SORCS1: variants seen among roughly 807,000 people sequenced by gnomAD.
SORCS1 encodes the protein VPS10 domain-containing receptor SorCS1.
SORCS1 carries 60 observed loss-of-function variants against 146.1 expected under a neutral mutation model. The ratio of observed to expected loss-of-function variants is 0.41; its 90% CI spans 0.33 to 0.51. The LOEUF is 0.51. Among genes scored for constraint, SORCS1 ranks in the 20% least tolerant of loss-of-function variants. SORCS1 has a pLI of 0.21. For synonymous variants in SORCS1, 637 were observed against 584.0 expected (o/e 1.09, Z -1.31); for missense variants, 1,352 against 1,487.6 (o/e 0.91, Z 1.50).
At chr10:107,145,362 G>A (rs556425342) in intron 1 of SORCS1, among the ~76,000 whole-genome samples, 2 of 152,146 alleles carry the variant, frequency 1.3e-5, no homozygotes, top group Non-Finnish European at 2.9e-5. Flanking sequence ...GAAACATTTC[G>A]TCAGTCATCC....
chr10:106,944,736 T>C (rs1310986925), intron 2 of SORCS1, among the ~76,000 whole-genome samples: 1 of 152,130 alleles, frequency 6.6e-6, no homozygotes, highest in Non-Finnish European at 1.5e-5. Flanking sequence ...ACAAGGTCTC[T>C]GCCCTCAGCG....
At chr10:106,975,061 G>A (rs1955936758) in intron 1 of SORCS1, among the ~76,000 whole-genome samples, 1 of 152,148 alleles carries the variant, frequency 6.6e-6, no homozygotes, top group African/African-American at 2.4e-5. Flanking sequence ...AAAGGCTTGG[G>A]TTTTACACAT....
intron 3 of SORCS1, among the ~76,000 whole-genome samples, chr10:106,801,957 G>A (rs143023977): frequency 9.4e-4 from 143 of 152,236 alleles, no homozygotes; most frequent in Middle Eastern, 3.4e-3. Context: ...TAGTGTCAGC[G>A]TTTTCATCCA....
intron 20 of SORCS1, among the ~76,000 whole-genome samples, chr10:106,619,774 G>T (rs1847615224): frequency 1.3e-5 from 2 of 152,136 alleles, no homozygotes; most frequent in African/African-American, 4.8e-5. Flanking sequence ...CAAAATGAAA[G>T]ACTTAGAGTA....
chr10:107,098,861 A>G (rs1252827179), intron 1 of SORCS1, among the ~76,000 whole-genome samples: 3 of 152,202 alleles, frequency 2.0e-5, no homozygotes, highest in East Asian at 3.8e-4. Context: ...CATAACTTAG[A>G]GGTGTTAAAT....
intron 2 of SORCS1, among the ~76,000 whole-genome samples, chr10:106,838,918 T>C (rs773477296): frequency 6.6e-6 from 1 of 152,190 alleles, no homozygotes; most frequent in Non-Finnish European, 1.5e-5. Flanking sequence ...TATAATCATT[T>C]TGGGGTGCCC....
chr10:106,814,007 A>G (rs1050703411), intron 3 of SORCS1, among the ~76,000 whole-genome samples: 1 of 152,156 alleles, frequency 6.6e-6, no homozygotes, highest in African/African-American at 2.4e-5. Flanking sequence ...CCTTTTATCT[A>G]TTATATTCAT....
rs141122531 is a variant in SORCS1, at chr10:106,728,327, C to T, written c.1024+1723G>A. On this transcript the variant is annotated intron_variant, in intron 6 of 25. Coordinates refer to ENST00000263054, the MANE Select transcript of SORCS1 (RefSeq NM_052918.5). ...AAGAAAATATTGATCTGTTATGTAG[C>T]AAGAACTGGACCTTGGAATCCAAGA... is the stretch of plus-strand genomic sequence containing the variant. 1.3e-3 allele frequency among the ~76,000 whole-genome samples: 198 copies of T among 152,132 alleles called. 6 individuals carry two copies. In the East Asian group the frequency reaches 0.028, roughly 22 times the overall value.
intron 2 of SORCS1, among the ~76,000 whole-genome samples, chr10:106,951,716 C>G (rs1307669493): frequency 1.3e-5 from 2 of 152,162 alleles, no homozygotes; most frequent in South Asian, 4.1e-4. Context: ...GTTGTGCTCA[C>G]TGCTCTGTTT....
chr10:106,927,919 G>A (rs1302929926), intron 2 of SORCS1, among the ~76,000 whole-genome samples: 2 of 152,280 alleles, frequency 1.3e-5, no homozygotes, highest in African/African-American at 4.8e-5. Context: ...GATGCAAAGT[G>A]TCCATTGGTG....
intron 4 of SORCS1, among the ~76,000 whole-genome samples, chr10:106,771,527 G>T (rs141250426): frequency 2.0e-5 from 3 of 152,136 alleles, no homozygotes; most frequent in East Asian, 1.9e-4. Context: ...CAAATGCAAA[G>T]AATTTTTTTA....
At chr10:106,873,138 C>T (rs372476497) in intron 2 of SORCS1, among the ~76,000 whole-genome samples, 2 of 152,064 alleles carry the variant, frequency 1.3e-5, no homozygotes, top group Non-Finnish European at 2.9e-5. Context: ...TGCACCACTG[C>T]ACTCCAGCCT....
chr10:106,967,957 C>A (rs990396554), intron 1 of SORCS1, among the ~76,000 whole-genome samples: 1 of 150,940 alleles, frequency 6.6e-6, no homozygotes, highest in South Asian at 2.1e-4. Flanking sequence ...GTAATCCCAG[C>A]GCTTTGGGAG....
At chr10:106,704,711 C>CAAAAA (rs1352412607) in intron 8 of SORCS1, among the ~76,000 whole-genome samples, 1 of 152,008 alleles carries the variant, frequency 6.6e-6, no homozygotes, top group African/African-American at 2.4e-5. Flanking sequence ...AAAACAAAAA[C>CAAAAA]AAAAACAAAA....
At chr10:106,828,187 A>G (rs1349015125) in intron 3 of SORCS1, among the ~76,000 whole-genome samples, 1 of 152,168 alleles carries the variant, frequency 6.6e-6, no homozygotes, top group African/African-American at 2.4e-5. Flanking sequence ...TATACTTGGT[A>G]ATAGGTTTAG....
At chr10:107,113,304 C>A (rs989215701) in intron 1 of SORCS1, among the ~76,000 whole-genome samples, 2 of 152,064 alleles carry the variant, frequency 1.3e-5, no homozygotes, top group African/African-American at 4.8e-5. Flanking sequence ...GCATTTGAGA[C>A]AAATGAAAAT....
At chr10:106,735,140 C>A (rs1433147560) in intron 5 of SORCS1, among the ~76,000 whole-genome samples, 1 of 75,206 alleles carries the variant, frequency 1.3e-5, no homozygotes, top group Non-Finnish European at 2.9e-5. Context: ...GAGCGAGACT[C>A]CATCTCAAAA....
At chr10:106,647,466 C>A (rs542182467) in intron 18 of SORCS1, among the ~76,000 whole-genome samples, 2 of 151,546 alleles carry the variant, frequency 1.3e-5, no homozygotes, top group Non-Finnish European at 2.9e-5. Flanking sequence ...AAGACTCACC[C>A]TAACTCTAGT....
chr10:106,954,736 C>G (rs1160819860), intron 2 of SORCS1, among the ~76,000 whole-genome samples: 1 of 152,126 alleles, frequency 6.6e-6, no homozygotes, highest in Non-Finnish European at 1.5e-5. Context: ...CCTCCGAGAC[C>G]CAATATGTTT....
Sources: gnomAD v4.1 joint callset for allele counts (sites outside exome capture counted in the v4.1 genomes callset) on GRCh38, gnomAD v4.1.1 for gene constraint, MANE v1.5 for transcripts, NCBI Gene and HGNC (gene_info 2026-07-23, HGNC 2026-07-21) for gene names.